INSC: variants seen among roughly 807,000 people sequenced by gnomAD.
INSC encodes protein inscuteable homolog.
In INSC, 67 loss-of-function variants were observed where a neutral mutation model predicts 58.6. The ratio of observed to expected loss-of-function variants is 1.14; its 90% CI spans 0.94 to 1.40. INSC has a LOEUF of 1.40. Ranked by LOEUF, INSC falls within the 40% of genes most tolerant of loss-of-function variation. The pLI is 0.00. For missense variants in INSC, 714 were observed against 692.0 expected (o/e 1.03, Z -0.36); for synonymous variants, 262 against 276.1 (o/e 0.95, Z 0.51).
At chr11:15,148,093 G>A (rs58951881) in intron 1 of INSC, among the ~76,000 whole-genome samples, 1 of 152,152 alleles carries the variant, frequency 6.6e-6, no homozygotes, top group Non-Finnish European at 1.5e-5. Context: ...ATACAAACAG[G>A]TGGGTAGCTG....
At chr11:15,154,747 G>A (rs1259277139) in intron 2 of INSC, among the ~76,000 whole-genome samples, 1 of 152,068 alleles carries the variant, frequency 6.6e-6, no homozygotes, top group African/African-American at 2.4e-5. Flanking sequence ...TATCCCCAGG[G>A]ACCCTTCCAG....
intron 7 of INSC, among the ~76,000 whole-genome samples, chr11:15,206,319 GGGA>G (rs1297841410): frequency 6.6e-6 from 1 of 152,214 alleles, no homozygotes; most frequent in Non-Finnish European, 1.5e-5. Context: ...AGAAGGGCCA[GGGA>G]GGAGCTCCCA....
chr11:15,265,700 T>C, the INSC span, among the ~76,000 whole-genome samples: 18 of 151,868 alleles, frequency 1.2e-4, no homozygotes, highest in Non-Finnish European at 2.1e-4. Context: ...ATTTTACTAG[T>C]TTATTTAAAG....
intron 2 of INSC, among the ~76,000 whole-genome samples, chr11:15,162,145 G>C (rs1459394294): frequency 6.6e-6 from 1 of 152,128 alleles, no homozygotes; most frequent in Non-Finnish European, 1.5e-5. Flanking sequence ...AAGAGTTCTT[G>C]GGGGACCTGG....
At chr11:15,145,059 G>A (rs768911261) in intron 1 of INSC, among the ~76,000 whole-genome samples, 39 of 152,152 alleles carry the variant, frequency 2.6e-4, no homozygotes, top group Non-Finnish European at 5.1e-4. Flanking sequence ...TCCTACATGT[G>A]TCCTTTTCAC....
At chr11:15,235,208 C>A in intron 9 of INSC, 1 of 257,884 alleles carries the variant, frequency 3.9e-6, no homozygotes, top group Non-Finnish European at 7.8e-6. Flanking sequence ...AGAGTAAGAG[C>A]TAGCTGTCAG....
intron 2 of INSC, among the ~76,000 whole-genome samples, chr11:15,170,269 G>GT (rs541519146): frequency 3.5e-4 from 53 of 151,260 alleles, no homozygotes; most frequent in South Asian, 1.5e-3. Context: ...GATTTCACTA[G>GT]TTTTTTTTTC....
intron 1 of INSC, among the ~76,000 whole-genome samples, chr11:15,144,401 T>G (rs1848443953): frequency 6.6e-6 from 1 of 152,134 alleles, no homozygotes; most frequent in Non-Finnish European, 1.5e-5. Flanking sequence ...CAGCTCCAAA[T>G]GTAGAGATTC....
intron 6 of INSC, among the ~76,000 whole-genome samples, chr11:15,194,189 G>GTT: frequency 6.6e-6 from 1 of 152,296 alleles, no homozygotes; most frequent in South Asian, 2.1e-4. Context: ...CCTCAGTAAG[G>GTT]TCTTTTGTTT....
chr11:15,237,445 G>T (rs1387966171), intron 10 of INSC, among the ~76,000 whole-genome samples: 2 of 152,242 alleles, frequency 1.3e-5, no homozygotes, highest in Non-Finnish European at 2.9e-5. Flanking sequence ...AAGCACGTTA[G>T]AAGATTGTCT....
intron 3 of INSC, among the ~76,000 whole-genome samples, chr11:15,176,349 C>T (rs2098220785): frequency 6.6e-6 from 1 of 151,936 alleles, no homozygotes; most frequent in African/African-American, 2.4e-5. Context: ...AGAAGCTGTG[C>T]AGTGGTTGAA....
chr11:15,119,423 C>G (rs73414659), intron 1 of INSC, among the ~76,000 whole-genome samples: 6,423 of 152,252 alleles, frequency 0.042, 271 homozygotes, highest in African/African-American at 0.11. Context: ...ATCTCCCCTC[C>G]CCCAGCTCCA....
At chr11:15,176,806 C>T (rs1488151064) in intron 3 of INSC, among the ~76,000 whole-genome samples, 1 of 152,160 alleles carries the variant, frequency 6.6e-6, no homozygotes, top group Non-Finnish European at 1.5e-5. Context: ...CTTTTCCTTC[C>T]TTAGCTTTGC....
At chr11:15,114,499 A>G (rs1343620905), upstream of INSC, among the ~76,000 whole-genome samples, 2 of 152,066 alleles carry the variant, frequency 1.3e-5, no homozygotes, top group Non-Finnish European at 1.5e-5. Context: ...GTTTTGTTTC[A>G]GCTCCAAGGG....
intron 5 of INSC, among the ~76,000 whole-genome samples, chr11:15,186,784 C>G (rs1209991116): frequency 6.6e-6 from 1 of 152,064 alleles, no homozygotes; most frequent in African/African-American, 2.4e-5. Context: ...AAACTTTCAC[C>G]TGAGATGGTT....
At chr11:15,173,814 T>C (rs571063160) in intron 2 of INSC, among the ~76,000 whole-genome samples, 1 of 152,164 alleles carries the variant, frequency 6.6e-6, no homozygotes, top group Non-Finnish European at 1.5e-5. Flanking sequence ...TGGTTAAAAA[T>C]TACATTTAAA....
chr11:15,129,468 G>A (rs888254315), intron 1 of INSC, among the ~76,000 whole-genome samples: 6 of 152,182 alleles, frequency 3.9e-5, no homozygotes, highest in Admixed American at 1.3e-4. Context: ...ATTTAGATCC[G>A]TTTATGGCGA....
chr11:15,130,452 C>G (rs979054423), intron 1 of INSC, among the ~76,000 whole-genome samples: 1 of 152,202 alleles, frequency 6.6e-6, no homozygotes, highest in African/African-American at 2.4e-5. Context: ...CCATGATATA[C>G]AATCCTTTTC....
At chr11:15,235,547 G>T (rs1852089401) in intron 9 of INSC, 55 bp from the exon 10 acceptor site, 2 of 1,361,962 alleles carry the variant, frequency 1.5e-6, no homozygotes, top group African/African-American at 1.4e-5. Context: ...CTGTAGGGAG[G>T]ACTATTAGGA....
Sources: allele counts gnomAD v4.1 joint callset (sites outside exome capture counted in the v4.1 genomes callset), GRCh38; gene constraint gnomAD v4.1.1; transcripts MANE v1.5; gene names NCBI Gene and HGNC (gene_info 2026-07-23, HGNC 2026-07-21).